PCLO: variants seen among roughly 807,000 people sequenced by gnomAD.
PCLO encodes the protein piccolo presynaptic cytomatrix protein.
PCLO carries 82 observed loss-of-function variants against 427.5 expected under a neutral mutation model. The ratio of observed to expected loss-of-function variants is 0.19; its 90% CI spans 0.16 to 0.23. The LOEUF is 0.23. PCLO is among the 10% of genes least tolerant of loss of function. The pLI, the probability that PCLO is intolerant of heterozygous loss-of-function variation, is 1.00. For missense variants in PCLO, 6,239 were observed against 6,115.9 expected, an observed-to-expected ratio of 1.02 and a Z score of -0.67; for synonymous variants, 2,357 against 2,155.4, an observed-to-expected ratio of 1.09 and a Z score of -2.59.
chr7:82,784,976 C>G (rs1406663079), intron 22 of PCLO, among the ~76,000 whole-genome samples: 1 of 152,152 alleles, frequency 6.6e-6, no homozygotes, highest in African/African-American at 2.4e-5. Flanking sequence ...TTTACAACCA[C>G]AAAAAACTGG....
intron 22 of PCLO, among the ~76,000 whole-genome samples, chr7:82,782,580 C>T (rs1790895891): frequency 6.6e-6 from 1 of 152,062 alleles, no homozygotes; most frequent in Non-Finnish European, 1.5e-5. Flanking sequence ...ATGTTCTATT[C>T]TGGAAATAGT....
Position 82,953,513 on chromosome 7 carries a change from A to T in PCLO, c.7440T>A (p.Thr2480=). The change falls in exon 5 of 25, where the codon ACT becomes ACA. Residue 2480 remains threonine, a synonymous_variant. Coordinates refer to ENST00000333891, the MANE Select transcript of PCLO (RefSeq NM_033026.6). ...TAGGAGGAACAGGAGGAGGTGCAGT[A>T]GTACATATTCTTGTAACAGGTAATC... is the stretch of plus-strand genomic sequence containing the variant. ...SNGLPVTRIC[T]TAPPPVPPKP... 6.2e-7 allele frequency: 1 copy of T among 1,613,600 alleles called. No individual in the cohort carries two copies. Among genetic ancestry groups the T allele is most frequent in the Non-Finnish European group, 8.5e-7 (1 of 1,179,776 alleles).
Position 83,135,535 on chromosome 7 carries a change from A to C in PCLO, c.2015T>G (p.Val672Gly), listed in dbSNP as rs1454495123. ...CTGTGGCTGTGGGGATGATTTGCTC[A>C]CTGCTGATGTAGTGGTAACAGGTGC... Reference protein sequence around the residue: ...KTAPVTTTSAVSKSSPQPQQT... With the variant: ...KTAPVTTTSAGSKSSPQPQQT... The change falls in exon 3 of 25, where the codon GTG becomes GGG. Residue 672 changes from valine to glycine, a missense_variant. Around this residue, in one of 5 missense-constraint regions of PCLO, gnomAD observed 4,677 missense variants for 4,468.4 expected, o/e 1.05. Transcript: ENST00000333891. 1 of 1,613,602 alleles carries C rather than the reference A, an allele frequency of 6.2e-7. No individual in the cohort carries two copies. The highest frequency in any genetic ancestry group is 1.3e-5 in the African/African-American group (1 of 74,822).
At chr7:82,940,990 C>G (rs1305323255) in intron 6 of PCLO, among the ~76,000 whole-genome samples, 1 of 151,770 alleles carries the variant, frequency 6.6e-6, no homozygotes, top group Non-Finnish European at 1.5e-5. Context: ...TCTTGATCTC[C>G]TGACCTTGTG....
rs773010150 is a variant in PCLO, at chr7:82,949,488, G to A, written c.11100C>T (p.Thr3700=). ...GAATCACTCTTACCGTATAGCCCTC[G>A]GTATACTGAAAAGGAGCCCTGGAAC... The part of the protein sequence containing the change: ...DESSRAPFQY[T]EGYTTKGSQT... The change falls in exon 6 of 25, where the codon ACC becomes ACT. Residue 3700 remains threonine (T), a synonymous_variant. Coordinates refer to ENST00000333891, the MANE Select transcript of PCLO (RefSeq NM_033026.6). 2.4e-5 allele frequency: 39 copies of A among 1,601,264 alleles called. No homozygotes were observed. Among genetic ancestry groups the A allele is most frequent in the Admixed American group, 8.5e-5 (5 of 58,664 alleles).
intron 3 of PCLO, among the ~76,000 whole-genome samples, chr7:83,090,217 A>G (rs9649068): frequency 0.57 from 85,874 of 151,980 alleles, 25,931 homozygotes; most frequent in African/African-American, 0.77. Context: ...CAGGAGAATC[A>G]CTTGAACCTG....
intron 22 of PCLO, among the ~76,000 whole-genome samples, chr7:82,785,963 G>A (rs1349857934): frequency 6.6e-6 from 1 of 152,144 alleles, no homozygotes; most frequent in Non-Finnish European, 1.5e-5. Context: ...GAGGTCCACA[G>A]AAATATTTTA....
At chr7:82,793,227 G>A (rs1583980916) in intron 22 of PCLO, among the ~76,000 whole-genome samples, 1 of 152,236 alleles carries the variant, frequency 6.6e-6, no homozygotes, top group South Asian at 2.1e-4. Flanking sequence ...TGGTGGAGAT[G>A]TCAAAGACAA....
chr7:82,828,201 C>T (rs1336341231), intron 16 of PCLO, among the ~76,000 whole-genome samples: 2 of 151,638 alleles, frequency 1.3e-5, no homozygotes, highest in East Asian at 3.9e-4. Flanking sequence ...TAAAGAAATG[C>T]TTGTAGGTGT....
intron 6 of PCLO, among the ~76,000 whole-genome samples, chr7:82,943,316 T>C (rs142825793): frequency 1.0e-3 from 156 of 152,280 alleles, no homozygotes; most frequent in African/African-American, 3.6e-3. Flanking sequence ...GGGGATGAAA[T>C]AGCTTCAACA....
At chr7:82,948,108 T>G (rs1043594280) in intron 6 of PCLO, among the ~76,000 whole-genome samples, 3 of 152,098 alleles carry the variant, frequency 2.0e-5, no homozygotes, top group Non-Finnish European at 4.4e-5. Flanking sequence ...CTACACATTA[T>G]ATAACTAACT....
In PCLO at chr7:82,822,533, G is replaced by A; in HGVS notation, c.14753C>T (p.Ala4918Val). 6.2e-7 allele frequency: 1 copy of A among 1,613,902 alleles called. No homozygotes were observed. Among genetic ancestry groups the A allele is most frequent in the Non-Finnish European group, 8.5e-7 (1 of 1,179,862 alleles). The stretch of plus-strand genomic sequence containing the variant: ...GAGTTGTTGCACGGCAGCTTCGGCA[G>A]CAGCTATGGCAGCCCCTGCATCTTC... ...HLEDAGAAIA[A>V]AEAAVQQLRI... The change falls in exon 20 of 25, where the codon GCT becomes GTT. Residue 4918 changes from alanine (A) to valine (V), a missense_variant. Coordinates refer to ENST00000333891, the MANE Select transcript of PCLO (RefSeq NM_033026.6).
At chr7:82,839,310 A>C (rs1446764030) in intron 14 of PCLO, among the ~76,000 whole-genome samples, 2 of 152,034 alleles carry the variant, frequency 1.3e-5, no homozygotes, top group Non-Finnish European at 2.9e-5. Flanking sequence ...TTCCTGTAAA[A>C]CTTCATAATG....
chr7:83,004,474 G>A (rs536981604), intron 3 of PCLO, among the ~76,000 whole-genome samples: 8 of 90,820 alleles, frequency 8.8e-5, no homozygotes, highest in South Asian at 8.0e-4. Context: ...GAAATTGGAC[G>A]CTTACACATG....
intron 3 of PCLO, among the ~76,000 whole-genome samples, chr7:83,008,425 T>A (rs1255953038): frequency 6.6e-6 from 1 of 151,720 alleles, no homozygotes; most frequent in Non-Finnish European, 1.5e-5. Flanking sequence ...ATGACACATT[T>A]ATGTATTTTG....
intron 3 of PCLO, among the ~76,000 whole-genome samples, chr7:83,116,096 T>C (rs1791124907): frequency 6.6e-6 from 1 of 151,932 alleles, no homozygotes; most frequent in African/African-American, 2.4e-5. Context: ...AATAGTAAGA[T>C]AGATCTACAT....
intron 2 of PCLO, among the ~76,000 whole-genome samples, chr7:83,143,834 CTT>C (rs1791927902): frequency 6.6e-6 from 1 of 152,148 alleles, no homozygotes; most frequent in Admixed American, 6.5e-5. Flanking sequence ...TGAATTCAAA[CTT>C]TTACACCTCA....
Position 82,951,438 on chromosome 7 carries a change from T to C in PCLO, c.9150A>G (p.Arg3050=). The change falls in exon 6 of 25, where the codon CGA becomes CGG. Residue 3050 remains arginine, a synonymous_variant. Coordinates refer to ENST00000333891, the MANE Select transcript of PCLO (RefSeq NM_033026.6). ...TAATCCCAGCTCCTGAAATGACTTG[T>C]CGTGTTTCTGGATATGGACCTGTAG... ...SKTTGPYPET[R]QVISGAGIST... is the part of the protein sequence containing the mutation. 1.3e-6 allele frequency: 2 copies of C among 1,591,032 alleles called. No individual in the cohort carries two copies. Among genetic ancestry groups the C allele is most frequent in the African/African-American group, 2.7e-5 (2 of 74,760 alleles).
At chr7:83,117,349 G>C (rs925140095) in intron 3 of PCLO, among the ~76,000 whole-genome samples, 1 of 152,086 alleles carries the variant, frequency 6.6e-6, no homozygotes, top group African/African-American at 2.4e-5. Context: ...TGCCTCAGTG[G>C]GTGCACTTTC....
Sources: allele counts gnomAD v4.1 joint callset (sites outside exome capture counted in the v4.1 genomes callset), GRCh38; gene constraint gnomAD v4.1.1; regional missense constraint gnomAD v4.1.1; transcripts MANE v1.5; gene names NCBI Gene and HGNC (gene_info 2026-07-23, HGNC 2026-07-21).